NOVA1: variants seen among roughly 807,000 people sequenced by gnomAD.
The protein encoded by NOVA1 is RNA-binding protein Nova-1.
In NOVA1, 7 loss-of-function variants were observed where a neutral mutation model predicts 38.0. The observed-to-expected ratio is 0.18, with a 90% CI of 0.10 to 0.35. The LOEUF is 0.35. NOVA1 is among the 10% of genes least tolerant of loss of function. NOVA1 has a pLI of 1.00. For synonymous variants in NOVA1, 270 were observed against 232.5 expected (o/e 1.16, Z -1.47); for missense variants, 460 against 616.0 (o/e 0.75, Z 2.68).
intron 2 of NOVA1, among the ~76,000 whole-genome samples, chr14:26,539,382 A>G (rs1197815812): frequency 6.6e-6 from 1 of 152,248 alleles, no homozygotes; most frequent in Non-Finnish European, 1.5e-5. Context: ...ATAAATACAG[A>G]CAAATCTGGA....
intron 2 of NOVA1, among the ~76,000 whole-genome samples, chr14:26,542,733 CAAAAAAA>C (rs71121888): frequency 7.9e-6 from 1 of 125,898 alleles, no homozygotes; most frequent in Non-Finnish European, 1.7e-5. Context: ...TTTGTAATGG[CAAAAAAA>C]AAAAAAAAAA....
intron 4 of NOVA1, among the ~76,000 whole-genome samples, chr14:26,461,900 A>G (rs536690528): frequency 1.3e-5 from 2 of 151,972 alleles, no homozygotes; most frequent in Non-Finnish European, 2.9e-5. Flanking sequence ...AGATCGCATC[A>G]TTGCACTCCA....
intron 3 of NOVA1, among the ~76,000 whole-genome samples, chr14:26,473,457 T>C (rs1036340645): frequency 6.6e-6 from 1 of 151,924 alleles, no homozygotes; most frequent in African/African-American, 2.4e-5. Context: ...TTTTATATTA[T>C]ATTAATATCT....
chr14:26,591,808 GT>G (rs1893860980), intron 2 of NOVA1, among the ~76,000 whole-genome samples: 1 of 150,892 alleles, frequency 6.6e-6, no homozygotes, highest in Admixed American at 6.6e-5. Flanking sequence ...ATGTATAATG[GT>G]TTGTGTTTTT....
At chr14:26,500,698 A>C (rs1887188656) in intron 2 of NOVA1, among the ~76,000 whole-genome samples, 1 of 152,026 alleles carries the variant, frequency 6.6e-6, no homozygotes, top group Non-Finnish European at 1.5e-5. Context: ...TTATCACTTC[A>C]AGAAAATTTA....
At chr14:26,504,362 T>C (rs927599793) in intron 2 of NOVA1, among the ~76,000 whole-genome samples, 1 of 152,244 alleles carries the variant, frequency 6.6e-6, no homozygotes, top group Non-Finnish European at 1.5e-5. Flanking sequence ...TATGTAAATA[T>C]AGAAACCTCA....
intron 2 of NOVA1, among the ~76,000 whole-genome samples, chr14:26,575,637 C>G (rs1271932019): frequency 6.6e-6 from 1 of 152,026 alleles, no homozygotes. Context: ...ATCTCCTCTA[C>G]TTTATCACAT....
At chr14:26,496,175 T>C (rs1886763601) in intron 2 of NOVA1, among the ~76,000 whole-genome samples, 1 of 151,764 alleles carries the variant, frequency 6.6e-6, no homozygotes, top group African/African-American at 2.4e-5. Flanking sequence ...CCTGACTTTT[T>C]AATGATTGCC....
chr14:26,559,854 C>A (rs550513271), intron 2 of NOVA1, among the ~76,000 whole-genome samples: 2 of 150,576 alleles, frequency 1.3e-5, no homozygotes, highest in South Asian at 4.2e-4. Context: ...AAACTAATTA[C>A]AAAAGAATAG....
intron 2 of NOVA1, among the ~76,000 whole-genome samples, chr14:26,495,833 T>C (rs1363283379): frequency 7.3e-6 from 1 of 136,186 alleles, no homozygotes; most frequent in African/African-American, 2.6e-5. Flanking sequence ...AACTCATCAT[T>C]TTTTATGGCT....
intron 2 of NOVA1, among the ~76,000 whole-genome samples, chr14:26,556,858 C>T (rs1260546308): frequency 6.6e-6 from 1 of 152,090 alleles, no homozygotes; most frequent in Non-Finnish European, 1.5e-5. Flanking sequence ...GTCAAAAAAG[C>T]GTACGAAAAG....
At chr14:26,514,280 C>A (rs1888304161) in intron 2 of NOVA1, among the ~76,000 whole-genome samples, 1 of 151,624 alleles carries the variant, frequency 6.6e-6, no homozygotes, top group African/African-American at 2.4e-5. Context: ...ACAAAAAAAT[C>A]AACTCTATTA....
At chr14:26,451,283 T>C (rs548783708) in intron 4 of NOVA1, among the ~76,000 whole-genome samples, 7 of 152,300 alleles carry the variant, frequency 4.6e-5, no homozygotes, top group Admixed American at 1.3e-4. Context: ...ACTTACATTA[T>C]TGAACATTAG....
In NOVA1 at chr14:26,448,740, C is replaced by G; in HGVS notation, c.743G>C (p.Gly248Ala). Residue 248 changes from glycine (G) to alanine (A), a missense_variant, in exon 5 of 5, where the codon GGC (glycine) becomes GCC (alanine). By Grantham distance (60) the Gly-to-Ala change is moderately conservative. Transcript: ENST00000539517. This position sits in a 1 kb window ranked among gnomAD's most constrained non-coding sequence, Gnocchi z 5.3. Reference protein sequence around the residue: ...IQKIQEDPQSGSCLNISYANV... With the variant: ...IQKIQEDPQSASCLNISYANV... ...GGCATAACTGATATTGAGACAGCTGCCACTTTGTGGATCCTCTTGTATCTT... is the reference window on the plus strand; with the variant it reads ...GGCATAACTGATATTGAGACAGCTGGCACTTTGTGGATCCTCTTGTATCTT... 1.2e-6 allele frequency: 2 copies of G among 1,614,176 alleles called. No individual in the cohort carries two copies. The highest frequency in any genetic ancestry group is 1.7e-6 in the Non-Finnish European group (2 of 1,180,036).
At chr14:26,479,694 T>C (rs1007602729) in intron 3 of NOVA1, 2 of 385,468 alleles carry the variant, frequency 5.2e-6, no homozygotes, top group Admixed American at 4.3e-5. Flanking sequence ...TCAATTCCTA[T>C]AAATTAAATT....
chr14:26,566,923 T>G lies in NOVA1; in HGVS notation c.280+28487A>C, dbSNP rs570254666. ...AATCCTTAGACAAACATTCAATTTT[T>G]CTCCCCCTCCCCTGCAAAAAGCTAG... On this transcript the variant is annotated intron_variant, in intron 2 of 4. Coordinates refer to ENST00000539517, the MANE Select transcript of NOVA1 (RefSeq NM_002515.3). 9.3e-4 allele frequency among the ~76,000 whole-genome samples: 142 copies of G among 152,228 alleles called. 1 individual carries two copies. The highest frequency in any genetic ancestry group is 3.3e-3 in the African/African-American group (138 of 41,538).
At chr14:26,579,081 CAG>C (rs1893050772) in intron 2 of NOVA1, among the ~76,000 whole-genome samples, 1 of 77,610 alleles carries the variant, frequency 1.3e-5, no homozygotes, top group Non-Finnish European at 2.4e-5. Flanking sequence ...TTTTTTGAGA[CAG>C]AGTCTCACTC....
rs573941660 is a variant in NOVA1 at position 26,545,506 on chromosome 14, G to A, written c.280+49904C>T. Among the ~76,000 whole-genome samples, 23 of 152,160 alleles carry A rather than the reference G, an allele frequency of 1.5e-4. 1 individual carries two copies. The South Asian group carries it at 4.8e-3, about 32-fold the overall frequency. ...TTTCAAGGAAAGAAATGGGGCTGAA[G>A]ACATAAGGGTGAGCCAGAACACACA... On this transcript the variant is annotated intron_variant, in intron 2 of 4. Coordinates refer to ENST00000539517, the MANE Select transcript of NOVA1 (RefSeq NM_002515.3).
At chr14:26,536,108 T>G (rs542621793) in intron 2 of NOVA1, among the ~76,000 whole-genome samples, 1 of 151,904 alleles carries the variant, frequency 6.6e-6, no homozygotes, top group Admixed American at 6.6e-5. Context: ...AAGACAGGCA[T>G]AGAACGACAA....
Sources: allele counts gnomAD v4.1 joint callset (sites outside exome capture counted in the v4.1 genomes callset), GRCh38; gene constraint gnomAD v4.1.1; non-coding constraint Gnocchi (gnomAD v3.1); transcripts MANE v1.5; gene names NCBI Gene and HGNC (gene_info 2026-07-23, HGNC 2026-07-21).